BCAR3: variants seen among roughly 807,000 people sequenced by gnomAD.
The protein encoded by BCAR3 is BCAR3 adaptor protein, NSP family member, also known as breast cancer anti-estrogen resistance protein 3.
A neutral mutation model predicts 80.1 loss-of-function variants in BCAR3; 37 were observed. The ratio of observed to expected loss-of-function variants is 0.46; its 90% CI spans 0.36 to 0.61. BCAR3 has a LOEUF of 0.61. Among genes scored for constraint, BCAR3 ranks in the 20% least tolerant of loss-of-function variants. BCAR3 has a pLI of 0.00. For missense variants in BCAR3, 978 were observed against 1,068.2 expected (o/e 0.92, Z 1.18); for synonymous variants, 389 against 418.9 (o/e 0.93, Z 0.87).
At chr1:93,587,498 C>T (rs753940965) in intron 5 of BCAR3, among the ~76,000 whole-genome samples, 1 of 152,184 alleles carries the variant, frequency 6.6e-6, no homozygotes, top group Non-Finnish European at 1.5e-5. Flanking sequence ...AGTCGCTTGC[C>T]CATGGTTGAA....
chr1:93,718,885 A>T (rs1650284651), intron 2 of BCAR3, among the ~76,000 whole-genome samples: 1 of 147,426 alleles, frequency 6.8e-6, no homozygotes. Flanking sequence ...TTTTTTTTTT[A>T]GAGACAGGGT....
Position 93,816,118 on chromosome 1 carries a change from T to C in BCAR3, c.-63+29449A>G, listed in dbSNP as rs571081429. Reference sequence around the variant, plus strand: ...TAGAAAATTCCAAGAGAGTGAGGACTATGCTGTCTTAATCACCACTGTATA... The same window carrying C: ...TAGAAAATTCCAAGAGAGTGAGGACCATGCTGTCTTAATCACCACTGTATA... On this transcript the variant is annotated intron_variant, in intron 2 of 13. Transcript: ENST00000370244. Among the ~76,000 whole-genome samples, 20 of 152,290 alleles carry C rather than the reference T, an allele frequency of 1.3e-4. No homozygotes were observed. In the South Asian group the frequency reaches 3.9e-3, roughly 30 times the overall value.
intron 2 of BCAR3, among the ~76,000 whole-genome samples, chr1:93,784,038 A>C (rs1267029545): frequency 6.6e-6 from 1 of 152,200 alleles, no homozygotes; most frequent in Non-Finnish European, 1.5e-5. Flanking sequence ...TGTGGAGACA[A>C]ACCAAGGCCC....
chr1:93,590,261 A>G (rs1304919950), intron 4 of BCAR3: 2 of 152,234 alleles, frequency 1.3e-5, no homozygotes, highest in African/African-American at 4.8e-5. Context: ...CAACTGGAGA[A>G]TTTATAATGT....
chr1:93,826,686 T>A (rs761744286), intron 2 of BCAR3, among the ~76,000 whole-genome samples: 44 of 152,110 alleles, frequency 2.9e-4, no homozygotes, highest in Non-Finnish European at 5.9e-4. Context: ...TAAAGGAATA[T>A]ATAACAGGAA....
In BCAR3 at chr1:93,592,124, T is replaced by C. The variant is rs1674229379; in HGVS notation, c.486+141A>G. The C allele has an allele frequency of 1.6e-6, 2 of 1,230,666 alleles. No homozygotes were observed. Among genetic ancestry groups the C allele is most frequent in the Non-Finnish European group, 2.2e-6 (2 of 899,006 alleles). The allele number at this position is 1,230,666 out of a possible 1,614,324, so 76.2% of individuals were successfully genotyped here. ...AGGTCTTCTTAGAGAAGGGTCTAAA[T>C]GAAGTCATTTTTAGAGTATTTGTTT... On this transcript the variant is annotated intron_variant, in intron 4 of 11. Coordinates refer to ENST00000260502, the MANE Select transcript of BCAR3 (RefSeq NM_003567.4). The surrounding 1 kb of genome is among the most constrained non-coding windows in gnomAD (Gnocchi z 4.8).
intron 2 of BCAR3, among the ~76,000 whole-genome samples, chr1:93,815,043 C>CTATA (rs1384812351): frequency 6.6e-6 from 1 of 152,192 alleles, no homozygotes; most frequent in Non-Finnish European, 1.5e-5. Flanking sequence ...TGCGTTAGGG[C>CTATA]TATATGGAGA....
chr1:93,650,614 A>C (rs1676292382), intron 2 of BCAR3, among the ~76,000 whole-genome samples: 1 of 152,226 alleles, frequency 6.6e-6, no homozygotes, highest in Non-Finnish European at 1.5e-5. Context: ...GTGGAGACAG[A>C]GCAAAGGTGA....
chr1:93,736,222 T>G (rs1053196709), intron 2 of BCAR3, among the ~76,000 whole-genome samples: 5 of 152,236 alleles, frequency 3.3e-5, no homozygotes, highest in Non-Finnish European at 7.3e-5. Flanking sequence ...AGTTTCACTC[T>G]TGTTGCCCAA....
intron 3 of BCAR3, among the ~76,000 whole-genome samples, chr1:93,686,988 C>G (rs1016321106): frequency 1.3e-5 from 2 of 152,170 alleles, no homozygotes; most frequent in East Asian, 3.8e-4. Context: ...CCTTACAGCA[C>G]CCTCTCCTTC....
chr1:93,812,306 G>C (rs1477561655), intron 2 of BCAR3, among the ~76,000 whole-genome samples: 1 of 151,906 alleles, frequency 6.6e-6, no homozygotes, highest in Non-Finnish European at 1.5e-5. Context: ...CCACCGCTGG[G>C]ACCTCCTGTC....
At chr1:93,770,270 C>T (rs929158919) in intron 2 of BCAR3, among the ~76,000 whole-genome samples, 6 of 152,220 alleles carry the variant, frequency 3.9e-5, no homozygotes, top group Non-Finnish European at 7.4e-5. Flanking sequence ...ACCATAAGGA[C>T]TACCAGAAAG....
chr1:93,816,973 C>T (rs1654043136), intron 2 of BCAR3, among the ~76,000 whole-genome samples: 1 of 152,056 alleles, frequency 6.6e-6, no homozygotes, highest in African/African-American at 2.4e-5. Context: ...AAACCACCAC[C>T]CCCTCAAAAA....
intron 1 of BCAR3, 125 bp from the exon 2 acceptor site, chr1:93,675,066 A>C: frequency 8.1e-6 from 6 of 742,604 alleles, no homozygotes; most frequent in African/African-American, 1.8e-5. Flanking sequence ...TTAACAGATC[A>C]ACATTTAATG....
chr1:93,835,715 C>T (rs542557814), intron 2 of BCAR3, among the ~76,000 whole-genome samples: 2 of 152,312 alleles, frequency 1.3e-5, no homozygotes, highest in African/African-American at 4.8e-5. Context: ...GACCCCCTCC[C>T]TTCCCTACAC....
intron 2 of BCAR3, among the ~76,000 whole-genome samples, chr1:93,659,961 G>A (rs535212166): frequency 6.6e-6 from 1 of 151,996 alleles, no homozygotes; most frequent in Non-Finnish European, 1.5e-5. Flanking sequence ...TCCCTTACTG[G>A]ACTATGAGCT....
intron 2 of BCAR3, among the ~76,000 whole-genome samples, chr1:93,739,410 C>G (rs1473059034): frequency 6.6e-6 from 1 of 152,152 alleles, no homozygotes; most frequent in Admixed American, 6.5e-5. Flanking sequence ...TAAAAAAGAA[C>G]TAGTAATGAC....
chr1:93,845,541 G>A (rs1383061345), intron 2 of BCAR3: 2 of 130,974 alleles, frequency 1.5e-5, no homozygotes, highest in Non-Finnish European at 3.2e-5. Context: ...AATAGGCCTG[G>A]CACCAATCAG....
intron 2 of BCAR3, among the ~76,000 whole-genome samples, chr1:93,721,975 CTATTAT>C (rs1018729449): frequency 1.3e-5 from 2 of 152,094 alleles, no homozygotes; most frequent in African/African-American, 4.8e-5. Context: ...GTAATGACAA[CTATTAT>C]TATTATTATT....
Sources: gnomAD v4.1 joint callset for allele counts (sites outside exome capture counted in the v4.1 genomes callset) on GRCh38, gnomAD v4.1.1 for gene constraint, Gnocchi (gnomAD v3.1) non-coding constraint, MANE v1.5 for transcripts, NCBI Gene and HGNC (gene_info 2026-07-23, HGNC 2026-07-21) for gene names.